HIP1: variants seen among roughly 807,000 people sequenced by gnomAD.
HIP1 encodes the protein huntingtin-interacting protein 1.
Under a neutral mutation model 147.6 loss-of-function variants are expected in HIP1, and 65 were observed. The observed-to-expected ratio is 0.44, with a 90% confidence interval of 0.36 to 0.54. The LOEUF (loss-of-function observed/expected upper bound fraction) is 0.54, where lower values mean the gene tolerates loss of function less well. Among genes scored for constraint, HIP1 ranks in the 20% least tolerant of loss-of-function variants. HIP1 has a pLI of 0.00. For synonymous variants in HIP1, 479 were observed against 504.0 expected, an observed-to-expected ratio of 0.95 and a Z score of 0.67; for missense variants, 1,061 against 1,299.6, an observed-to-expected ratio of 0.82 and a Z score of 2.82.
intron 1 of HIP1, among the ~76,000 whole-genome samples, chr7:75,666,824 G>GCA (rs1291134652): frequency 6.6e-6 from 1 of 152,056 alleles, no homozygotes; most frequent in Non-Finnish European, 1.5e-5. Flanking sequence ...ATTTACAAGG[G>GCA]CACACACACC....
intron 1 of HIP1, among the ~76,000 whole-genome samples, chr7:75,727,640 G>T (rs1038082063): frequency 1.3e-5 from 2 of 151,972 alleles, no homozygotes; most frequent in African/African-American, 2.4e-5. Context: ...GAGGTCAGGA[G>T]TTCGAGACTA....
At chr7:75,547,132 T>C (rs1232642541) in intron 24 of HIP1, 100 bp from the exon 25 acceptor site, 7 of 989,462 alleles carry the variant, frequency 7.1e-6, no homozygotes, top group Non-Finnish European at 1.1e-5. Flanking sequence ...AAGCTTGGAA[T>C]GGGAAAGGGA....
rs587763467 is a variant in HIP1, at chr7:75,614,503, C to T, written c.121-15256G>A. Among the ~76,000 whole-genome samples the T allele has an allele frequency of 2.5e-4, 34 of 138,510 alleles. No homozygotes were observed. In the South Asian group the frequency reaches 7.9e-3, roughly 32 times the overall value. 90.9% of individuals were successfully genotyped at this position (138,510 alleles called of 152,430 possible). A position where few individuals can be genotyped will look rare whatever the true frequency, so the allele number is the denominator to read the frequency against. On this transcript the variant is annotated intron_variant, in intron 1 of 30. Transcript: ENST00000336926. The stretch of plus-strand genomic sequence containing the variant: ...TGTGTGATTCTATTTGTATGAAGTG[C>T]TCAGAATGGGCAGATCCATAGAGAC...
rs1304467768 is a variant in HIP1, at chr7:75,584,457, C to T, written c.465+2296G>A. On this transcript the variant is annotated intron_variant, in intron 5 of 30. Transcript: ENST00000336926. Reference sequence around the variant, plus strand: ...CTCCACACTTGGACAATACCAGCTTCCCCTTTTTCTCTGCTTTCTAAAACC... The same window carrying T: ...CTCCACACTTGGACAATACCAGCTTTCCCTTTTTCTCTGCTTTCTAAAACC... Among the ~76,000 whole-genome samples, 6 of 152,274 alleles carry T rather than the reference C, an allele frequency of 3.9e-5. No homozygotes were observed. The East Asian group carries it at 1.2e-3, about 29-fold the overall frequency.
At chr7:75,564,177 C>T (rs1795327697) in intron 9 of HIP1, among the ~76,000 whole-genome samples, 1 of 152,212 alleles carries the variant, frequency 6.6e-6, no homozygotes, top group Admixed American at 6.5e-5. Context: ...CAGGCATGAG[C>T]CACCACATCT....
At position 75,737,096 on chromosome 7, in the gene HIP1, A is replaced by G. The variant is rs1802045413; in HGVS notation, c.120+1705T>C. On this transcript the variant is annotated intron_variant, in intron 1 of 30. Coordinates refer to ENST00000336926, the MANE Select transcript of HIP1 (RefSeq NM_005338.7). ...GCCACCACACGAGGATAATTTTAAA[A>G]TTTTTTCAAAATAGAGGCGGGATCT... 2.0e-5 allele frequency among the ~76,000 whole-genome samples: 3 copies of G among 151,568 alleles called. No individual in the cohort carries two copies. The South Asian group carries it at 6.2e-4, about 32-fold the overall frequency.
intron 7 of HIP1, among the ~76,000 whole-genome samples, chr7:75,574,464 C>G (rs1056405170): frequency 6.6e-6 from 1 of 151,126 alleles, no homozygotes; most frequent in Non-Finnish European, 1.5e-5. Context: ...TGGCACATGC[C>G]TGTAATCCCA....
chr7:75,732,856 A>G (rs1453778953), intron 1 of HIP1, among the ~76,000 whole-genome samples: 1 of 152,042 alleles, frequency 6.6e-6, no homozygotes, highest in African/African-American at 2.4e-5. Flanking sequence ...GGTGCCCAAC[A>G]TCCTAATGGC....
intron 1 of HIP1, among the ~76,000 whole-genome samples, chr7:75,607,894 G>A (rs868985461): frequency 5.9e-5 from 9 of 152,010 alleles, no homozygotes; most frequent in Middle Eastern, 3.4e-3. Context: ...CCACAGACTG[G>A]AAAAATGCAT....
rs782446523 is a variant in HIP1 at position 75,553,461 on chromosome 7, T to C, written c.2287A>G (p.Ile763Val). 2 of 1,614,070 alleles carry C rather than the reference T, an allele frequency of 1.2e-6. No homozygotes were observed. The highest frequency in any genetic ancestry group is 1.1e-5 in the South Asian group (1 of 91,088). Residue 763 changes from isoleucine (I) to valine (V), a missense_variant, in exon 22 of 31, where the codon ATC becomes GTC. This residue lies in a region of HIP1 where 810 missense variants were observed against 946.8 expected (regional missense o/e 0.86). Coordinates refer to ENST00000336926, the MANE Select transcript of HIP1 (RefSeq NM_005338.7). ...GATACTACTCCAAGTACCTCGCCGA[T>C]GGCCTTGATCTTGCTCAGGCAGTTC... Reference protein sequence around the residue: ...MRNCLSKIKAIGEELLPRGLD... With the variant: ...MRNCLSKIKAVGEELLPRGLD...
intron 1 of HIP1, among the ~76,000 whole-genome samples, chr7:75,612,564 T>A (rs782735132): frequency 2.6e-5 from 4 of 151,704 alleles, no homozygotes; most frequent in Non-Finnish European, 5.9e-5. Flanking sequence ...ATCCCTGAAC[T>A]TTGGGAGGCC....
chr7:75,591,764 A>C (rs1796509156), intron 4 of HIP1, among the ~76,000 whole-genome samples: 2 of 150,296 alleles, frequency 1.3e-5, no homozygotes, highest in Admixed American at 1.3e-4. Context: ...CCATGTAGCT[A>C]CTGCTGAGGG....
chr7:75,725,364 A>C (rs1554522238), intron 1 of HIP1, among the ~76,000 whole-genome samples: 1 of 151,986 alleles, frequency 6.6e-6, no homozygotes, highest in African/African-American at 2.4e-5. Context: ...TTGTATTTTG[A>C]AATATAAAGA....
chr7:75,680,049 C>T (rs4731598), intron 1 of HIP1, among the ~76,000 whole-genome samples: 86,492 of 151,708 alleles, frequency 0.57, 25,093 homozygotes, highest in African/African-American at 0.66. Flanking sequence ...TTGATTCATT[C>T]ATTCATTCAT....
At chr7:75,596,926 T>G (rs1796770156) in intron 2 of HIP1, among the ~76,000 whole-genome samples, 2 of 152,226 alleles carry the variant, frequency 1.3e-5, no homozygotes, top group African/African-American at 4.8e-5. Context: ...TGATGATAAC[T>G]GTCTCTCCCT....
chr7:75,698,100 T>G (rs1800697212), intron 1 of HIP1, among the ~76,000 whole-genome samples: 1 of 152,196 alleles, frequency 6.6e-6, no homozygotes, highest in Admixed American at 6.6e-5. Context: ...ATTATAGGCA[T>G]GAGCCACCAT....
rs1554508348 is a variant in HIP1 at position 75,628,553 on chromosome 7, A to T, written c.121-29306T>A. On this transcript the variant is annotated intron_variant, in intron 1 of 30. Coordinates refer to ENST00000336926, the MANE Select transcript of HIP1 (RefSeq NM_005338.7). ...GACTGTAGTGGCACAATCTCGGCTC[A>T]CTCCAACCTCTGCCTCCCGGGTTCA... Among the ~76,000 whole-genome samples the T allele has an allele frequency of 8.4e-5, 12 of 142,698 alleles. No individual in the cohort carries two copies. The South Asian group carries it at 2.4e-3, about 28-fold the overall frequency. 93.6% of individuals were successfully genotyped at this position (142,698 alleles called of 152,430 possible). A position where few individuals can be genotyped will look rare whatever the true frequency, so the allele number is the denominator to read the frequency against.
chr7:75,625,843 G>A (rs1256715239), intron 1 of HIP1: 2 of 152,144 alleles, frequency 1.3e-5, no homozygotes, highest in African/African-American at 4.8e-5. Context: ...GGCTGAGGCA[G>A]GTGGATCGTT....
chr7:75,683,327 T>G (rs899895735), intron 1 of HIP1, among the ~76,000 whole-genome samples: 3 of 152,054 alleles, frequency 2.0e-5, no homozygotes, highest in African/African-American at 7.2e-5. Flanking sequence ...TTGGGGGCAC[T>G]GGATGGGGGC....
Sources: allele counts gnomAD v4.1 joint callset (sites outside exome capture counted in the v4.1 genomes callset), GRCh38; gene constraint gnomAD v4.1.1; regional missense constraint gnomAD v4.1.1; transcripts MANE v1.5; gene names NCBI Gene and HGNC (gene_info 2026-07-23, HGNC 2026-07-21).